Variants in EPB41L5 observed in about 807,000 individuals in gnomAD.
EPB41L5 encodes erythrocyte membrane protein band 4.1 like 5, also known as band 4.1-like protein 5.
EPB41L5 carries 55 observed loss-of-function variants against 106.6 expected under a neutral mutation model. The ratio of observed to expected loss-of-function variants is 0.52; its 90% confidence interval spans 0.42 to 0.65. EPB41L5 has a LOEUF of 0.65. Among genes scored for constraint, EPB41L5 ranks in the 30% least tolerant of loss-of-function variants. The pLI is 0.00. For synonymous variants in EPB41L5, 297 were observed against 306.7 expected (o/e 0.97, Z 0.33); for missense variants, 871 against 882.1 (o/e 0.99, Z 0.16).
chr2:120,139,855 T>G (rs143763167), intron 18 of EPB41L5, among the ~76,000 whole-genome samples: 1 of 152,048 alleles, frequency 6.6e-6, no homozygotes, highest in East Asian at 1.9e-4. Context: ...ATCGAAGAGA[T>G]ATCTGCACTC....
At chr2:120,021,632 C>T (rs1377542957) in intron 2 of EPB41L5, among the ~76,000 whole-genome samples, 1 of 152,112 alleles carries the variant, frequency 6.6e-6, no homozygotes, top group Admixed American at 6.6e-5. Flanking sequence ...CAGTGCGAGA[C>T]TCCATCTCAA....
At chr2:120,092,596 C>T (rs1359818440) in intron 13 of EPB41L5, among the ~76,000 whole-genome samples, 3 of 152,112 alleles carry the variant, frequency 2.0e-5, no homozygotes, top group Non-Finnish European at 4.4e-5. Flanking sequence ...TTAAGTATTT[C>T]CACTGTCAGA....
At chr2:120,155,649 G>T (rs1574771312) in intron 20 of EPB41L5, among the ~76,000 whole-genome samples, 1 of 151,834 alleles carries the variant, frequency 6.6e-6, no homozygotes, top group South Asian at 2.1e-4. Context: ...GCTTGATTAT[G>T]TCCCACAAGT....
intron 2 of EPB41L5, among the ~76,000 whole-genome samples, chr2:120,032,039 T>C (rs532203660): frequency 6.6e-6 from 1 of 152,226 alleles, no homozygotes; most frequent in African/African-American, 2.4e-5. Context: ...GAAATGCATT[T>C]TGCAAGGGTT....
At chr2:120,013,457 G>GCCGGGGCGGAGGGC (rs890569837) in intron 1 of EPB41L5, 13 of 152,124 alleles carry the variant, frequency 8.5e-5, no homozygotes, top group African/African-American at 3.1e-4. Flanking sequence ...CGCGCGACGG[G>GCCGGGGCGGAGGGC]CCGGGGCGGA....
At chr2:120,071,885 T>TA (rs1681894498) in intron 3 of EPB41L5, among the ~76,000 whole-genome samples, 1 of 151,946 alleles carries the variant, frequency 6.6e-6, no homozygotes, top group Non-Finnish European at 1.5e-5. Context: ...AACTTCAAAC[T>TA]AAAACACCAA....
chr2:120,098,778 G>T (rs931628099), intron 14 of EPB41L5, among the ~76,000 whole-genome samples: 1 of 152,140 alleles, frequency 6.6e-6, no homozygotes, highest in Non-Finnish European at 1.5e-5. Flanking sequence ...TTTTAGCAGG[G>T]CCTCTCTTCA....
At chr2:120,099,718 GC>G (rs1159596537) in intron 14 of EPB41L5, among the ~76,000 whole-genome samples, 14 of 152,176 alleles carry the variant, frequency 9.2e-5, no homozygotes, top group African/African-American at 3.4e-4. Context: ...GAGCCACCAT[GC>G]CTGGCCTAAA....
At chr2:120,062,728 T>C (rs939010385) in intron 3 of EPB41L5, among the ~76,000 whole-genome samples, 21 of 152,224 alleles carry the variant, frequency 1.4e-4, no homozygotes, top group Non-Finnish European at 2.9e-4. Context: ...TCAATAATTA[T>C]GGGGTTTGAG....
At chr2:120,099,343 GGTT>G (rs769743934) in intron 14 of EPB41L5, among the ~76,000 whole-genome samples, 2 of 38,498 alleles carry the variant, frequency 5.2e-5, no homozygotes, top group Admixed American at 3.7e-4. Context: ...GTAGTTTCTG[GGTT>G]TTTTTTTTTG....
intron 14 of EPB41L5, among the ~76,000 whole-genome samples, chr2:120,098,844 A>G (rs1057195896): frequency 1.3e-5 from 2 of 152,198 alleles, no homozygotes; most frequent in African/African-American, 4.8e-5. Context: ...TTTTGCTCTC[A>G]CCTTGTTAGA....
chr2:120,112,594 A>T (rs1395345567), intron 16 of EPB41L5, among the ~76,000 whole-genome samples: 1 of 152,244 alleles, frequency 6.6e-6, no homozygotes, highest in Non-Finnish European at 1.5e-5. Flanking sequence ...TCAGGTTTCC[A>T]GTGAAACAGA....
chr2:120,048,817 G>T (rs930006513), intron 3 of EPB41L5, among the ~76,000 whole-genome samples: 11 of 151,788 alleles, frequency 7.2e-5, no homozygotes, highest in African/African-American at 1.2e-4. Context: ...CTACTTTATA[G>T]CTCTGGGACA....
chr2:120,042,807 G>A (rs544100241), intron 3 of EPB41L5, among the ~76,000 whole-genome samples: 1 of 152,134 alleles, frequency 6.6e-6, no homozygotes, highest in African/African-American at 2.4e-5. Flanking sequence ...CAAGCAGGGA[G>A]GTTTTATTTT....
intron 2 of EPB41L5, among the ~76,000 whole-genome samples, chr2:120,040,182 A>G (rs573170987): frequency 9.1e-4 from 138 of 152,214 alleles, no homozygotes; most frequent in African/African-American, 3.2e-3. Flanking sequence ...TTGAGAAAAC[A>G]ATAGAGGTTG....
At chr2:120,016,611 T>A (rs891366286) in intron 1 of EPB41L5, among the ~76,000 whole-genome samples, 1 of 152,206 alleles carries the variant, frequency 6.6e-6, no homozygotes, top group Non-Finnish European at 1.5e-5. Flanking sequence ...GTGTTCGTTT[T>A]TATGAACATC....
intron 18 of EPB41L5, among the ~76,000 whole-genome samples, chr2:120,133,795 T>G (rs1431860503): frequency 6.6e-6 from 1 of 152,150 alleles, no homozygotes; most frequent in Non-Finnish European, 1.5e-5. Flanking sequence ...AAGGAGTGCT[T>G]GCATCACCCT....
At chr2:120,053,531 G>C (rs192426962) in intron 3 of EPB41L5, among the ~76,000 whole-genome samples, 252 of 152,182 alleles carry the variant, frequency 1.7e-3, no homozygotes, top group Middle Eastern at 3.4e-3. Flanking sequence ...TCTGGCAAAC[G>C]CTGTCTATGG....
chr2:120,043,743 A>G (rs777357842), intron 3 of EPB41L5, among the ~76,000 whole-genome samples: 8 of 152,088 alleles, frequency 5.3e-5, no homozygotes, highest in Non-Finnish European at 1.0e-4. Context: ...GTGAGACCCT[A>G]TTTCTAAAAC....
Sources: gnomAD v4.1 joint callset for allele counts (sites outside exome capture counted in the v4.1 genomes callset) on GRCh38, gnomAD v4.1.1 for gene constraint, MANE v1.5 for transcripts, NCBI Gene and HGNC (gene_info 2026-07-23, HGNC 2026-07-21) for gene names.